Variants in ARHGAP10 observed in about 807,000 individuals in gnomAD.
ARHGAP10 encodes rho GTPase-activating protein 10.
ARHGAP10 carries 87 observed loss-of-function variants against 108.6 expected under a neutral mutation model. The ratio of observed to expected loss-of-function variants is 0.80; its 90% CI spans 0.67 to 0.96. The LOEUF (loss-of-function observed/expected upper bound fraction) is 0.96. Ranked by LOEUF, ARHGAP10 falls within the 40% of genes least tolerant of loss-of-function variation. The pLI is 0.00. For synonymous variants in ARHGAP10, 347 were observed against 341.1 expected (o/e 1.02, Z -0.19); for missense variants, 939 against 954.5 (o/e 0.98, Z 0.21).
chr4:147,851,082 AATGGAATCTATTCAG>A (rs1221231755), intron 4 of ARHGAP10, among the ~76,000 whole-genome samples: 2 of 152,156 alleles, frequency 1.3e-5, no homozygotes, highest in African/African-American at 2.4e-5. Flanking sequence ...CTGGATTGAG[AATGGAATCTATTCAG>A]ATGCTATCTT....
chr4:147,842,245 T>C (rs1733444097), intron 3 of ARHGAP10, among the ~76,000 whole-genome samples: 2 of 152,098 alleles, frequency 1.3e-5, no homozygotes. Flanking sequence ...CGTGAAACCC[T>C]TATATTCTTT....
chr4:148,053,777 C>T (rs545170919), intron 20 of ARHGAP10, among the ~76,000 whole-genome samples: 7 of 152,250 alleles, frequency 4.6e-5, no homozygotes, highest in Admixed American at 3.3e-4. Flanking sequence ...TTACATGCTT[C>T]GATACACATC....
At chr4:147,874,689 T>C (rs1734989327) in intron 7 of ARHGAP10, among the ~76,000 whole-genome samples, 1 of 152,220 alleles carries the variant, frequency 6.6e-6, no homozygotes, top group Admixed American at 6.5e-5. Context: ...CTAACTTATG[T>C]TTTAAACCTA....
chr4:147,863,988 G>A (rs905353170), intron 5 of ARHGAP10: 3 of 152,202 alleles, frequency 2.0e-5, no homozygotes, highest in African/African-American at 4.8e-5. Flanking sequence ...TCCTAATGAT[G>A]AGCGATGTTG....
intron 16 of ARHGAP10, among the ~76,000 whole-genome samples, chr4:147,964,727 T>A (rs1296518991): frequency 2.0e-5 from 3 of 152,150 alleles, no homozygotes; most frequent in Non-Finnish European, 4.4e-5. Context: ...ACACAGCATG[T>A]CAGAAGGAGA....
intron 19 of ARHGAP10, among the ~76,000 whole-genome samples, chr4:148,045,825 T>G (rs1728857331): frequency 6.6e-6 from 1 of 151,570 alleles, no homozygotes; most frequent in Non-Finnish European, 1.5e-5. Flanking sequence ...TGTTCTTGCT[T>G]GCTTTGTTTC....
At chr4:147,913,231 G>A in intron 13 of ARHGAP10, 92 bp downstream of exon 13, 2 of 1,130,808 alleles carry the variant, frequency 1.8e-6, no homozygotes, top group African/African-American at 1.5e-5. Context: ...AAGTGTTACA[G>A]AATGAAACGT....
intron 7 of ARHGAP10, among the ~76,000 whole-genome samples, chr4:147,868,243 GT>G (rs66538210): frequency 1.8e-4 from 26 of 145,520 alleles, no homozygotes; most frequent in Admixed American, 2.7e-4. Context: ...AGTTTTTTTT[GT>G]TTTTTTTTTT....
intron 19 of ARHGAP10, among the ~76,000 whole-genome samples, chr4:148,039,268 C>T (rs1484368340): frequency 1.3e-5 from 2 of 150,022 alleles, no homozygotes; most frequent in Admixed American, 6.7e-5. Context: ...ATTTTTATAT[C>T]TGGTAATAGT....
chr4:147,766,958 C>T (rs544170838), intron 1 of ARHGAP10, among the ~76,000 whole-genome samples: 3 of 151,570 alleles, frequency 2.0e-5, no homozygotes, highest in East Asian at 1.9e-4. Flanking sequence ...AAGCGATTCT[C>T]CTGCCTCAGC....
At chr4:147,763,208 C>T (rs555580506) in intron 1 of ARHGAP10, among the ~76,000 whole-genome samples, 6 of 151,678 alleles carry the variant, frequency 4.0e-5, no homozygotes, top group African/African-American at 1.5e-4. Flanking sequence ...TTTAATTGGT[C>T]TGATAATCTG....
chr4:147,732,552 GCAGC>G, intron 1 of ARHGAP10, 97 bp downstream of exon 1: 1 of 1,508,888 alleles, frequency 6.6e-7, no homozygotes, highest in Middle Eastern at 1.8e-4. Flanking sequence ...TCCGGGGCCA[GCAGC>G]CAGAGGAACG....
intron 18 of ARHGAP10, among the ~76,000 whole-genome samples, chr4:148,001,373 C>T (rs1375288257): frequency 1.3e-5 from 2 of 152,110 alleles, no homozygotes; most frequent in Admixed American, 1.3e-4. Flanking sequence ...GTTCTTTTGG[C>T]TTAGGATTGT....
intron 11 of ARHGAP10, among the ~76,000 whole-genome samples, chr4:147,908,418 T>C (rs1281366842): frequency 6.6e-6 from 1 of 152,168 alleles, no homozygotes; most frequent in Non-Finnish European, 1.5e-5. Flanking sequence ...GCAATGTCAG[T>C]GTAACCTTCA....
chr4:147,825,248 G>A (rs985994184), intron 3 of ARHGAP10, among the ~76,000 whole-genome samples: 1 of 152,140 alleles, frequency 6.6e-6, no homozygotes, highest in African/African-American at 2.4e-5. Flanking sequence ...TCAGAAGTTT[G>A]AGACCAGCCA....
intron 18 of ARHGAP10, among the ~76,000 whole-genome samples, chr4:147,982,881 C>CT (rs1417955057): frequency 1.3e-5 from 2 of 151,182 alleles, no homozygotes; most frequent in East Asian, 2.0e-4. Context: ...TACTTACTTT[C>CT]TTTTTTTTCC....
At chr4:147,988,499 T>G (rs1167817444) in intron 18 of ARHGAP10, among the ~76,000 whole-genome samples, 1 of 152,182 alleles carries the variant, frequency 6.6e-6, no homozygotes, top group Non-Finnish European at 1.5e-5. Flanking sequence ...TCTATCTAGC[T>G]CTGAAGCTTT....
At chr4:147,868,521 C>T (rs904426555) in intron 7 of ARHGAP10, among the ~76,000 whole-genome samples, 2 of 152,184 alleles carry the variant, frequency 1.3e-5, no homozygotes, top group African/African-American at 2.4e-5. Context: ...CGGGGGTGAG[C>T]CACCATGCCT....
At chr4:147,889,975 G>C (rs1171384841) in intron 10 of ARHGAP10, among the ~76,000 whole-genome samples, 1 of 152,260 alleles carries the variant, frequency 6.6e-6, no homozygotes, top group South Asian at 2.1e-4. Flanking sequence ...CTGCTCTCTC[G>C]AGCATAGTTT....
Sources: gnomAD v4.1 joint callset for allele counts (sites outside exome capture counted in the v4.1 genomes callset) on GRCh38, gnomAD v4.1.1 for gene constraint, MANE v1.5 for transcripts, NCBI Gene and HGNC (gene_info 2026-07-23, HGNC 2026-07-21) for gene names.